The following CPQ variants were observed in gnomAD, a reference collection of about 807,000 sequenced individuals.
CPQ encodes the protein carboxypeptidase Q, also known as Ser-Met dipeptidase.
In CPQ, 37 loss-of-function variants were observed where a neutral mutation model predicts 45.7. The ratio of observed to expected loss-of-function variants is 0.81; its 90% confidence interval spans 0.62 to 1.07. The LOEUF (loss-of-function observed/expected upper bound fraction) is 1.07, where lower values mean the gene tolerates loss of function less well. Among genes scored for constraint, CPQ ranks in the 50% least tolerant of loss-of-function variants. CPQ has a pLI of 0.00. For missense variants in CPQ, 537 were observed against 572.9 expected (o/e 0.94, Z 0.64); for synonymous variants, 186 against 205.8 (o/e 0.90, Z 0.82).
intron 7 of CPQ, among the ~76,000 whole-genome samples, chr8:97,117,536 T>C (rs1249116598): frequency 6.6e-6 from 1 of 152,080 alleles, no homozygotes; most frequent in Non-Finnish European, 1.5e-5. Flanking sequence ...TACTTTTTAA[T>C]ATTCTTCTTT....
chr8:96,674,312 G>A (rs1199252250), intron 1 of CPQ, among the ~76,000 whole-genome samples: 1 of 152,114 alleles, frequency 6.6e-6, no homozygotes, highest in East Asian at 1.9e-4. Flanking sequence ...ACACTTTTGT[G>A]GGTTTATTGA....
intron 7 of CPQ, among the ~76,000 whole-genome samples, chr8:97,112,569 C>T (rs1314535328): frequency 6.6e-6 from 1 of 152,196 alleles, no homozygotes; most frequent in Non-Finnish European, 1.5e-5. Flanking sequence ...CAAGGATATT[C>T]CCATCACAGG....
At chr8:96,944,417 T>C (rs1332469435) in intron 4 of CPQ, among the ~76,000 whole-genome samples, 2 of 152,144 alleles carry the variant, frequency 1.3e-5, no homozygotes, top group Admixed American at 1.3e-4. Context: ...TATCCTGATA[T>C]AATAAAAGTT....
intron 1 of CPQ, among the ~76,000 whole-genome samples, chr8:96,727,123 C>A (rs1485971458): frequency 1.3e-5 from 2 of 152,112 alleles, no homozygotes; most frequent in African/African-American, 4.8e-5. Context: ...GCAAGAGGTT[C>A]TTTTGGGTAT....
chr8:96,672,782 TA>T lies in CPQ; in HGVS notation c.-35+27388del, dbSNP rs890345948. On this transcript the variant is annotated intron_variant, in intron 1 of 7. Coordinates refer to ENST00000220763, the MANE Select transcript of CPQ (RefSeq NM_016134.4). ...GACAGAGCAAGACTCTGTCTCAATT[TA>T]AAAAAAATGGGGTGGTCAAGGAGTG... is the stretch of plus-strand genomic sequence containing the variant. Among the ~76,000 whole-genome samples, 3 of 151,802 alleles carry T rather than the reference TA, an allele frequency of 2.0e-5. No homozygotes were observed. The East Asian group carries it at 5.8e-4, about 30-fold the overall frequency.
At chr8:96,825,073 G>A (rs1267248772) in intron 2 of CPQ, among the ~76,000 whole-genome samples, 5 of 151,984 alleles carry the variant, frequency 3.3e-5, no homozygotes, top group Admixed American at 3.3e-4. Context: ...TGTGGTTTGG[G>A]TAGGATTGGC....
At chr8:96,982,636 C>A (rs1032051585) in intron 5 of CPQ, among the ~76,000 whole-genome samples, 5 of 152,182 alleles carry the variant, frequency 3.3e-5, no homozygotes, top group African/African-American at 1.2e-4. Context: ...AGCTACTGTA[C>A]CTGGCCTCAT....
chr8:96,982,209 G>A (rs890508470), intron 5 of CPQ, among the ~76,000 whole-genome samples: 27 of 152,192 alleles, frequency 1.8e-4, no homozygotes, highest in Admixed American at 1.3e-3. Flanking sequence ...GTCCTACAGC[G>A]TTTTATAACA....
intron 1 of CPQ, among the ~76,000 whole-genome samples, chr8:96,778,674 A>G (rs937789710): frequency 5.9e-5 from 9 of 151,858 alleles, no homozygotes; most frequent in Non-Finnish European, 1.3e-4. Flanking sequence ...TAAGGTATTT[A>G]GAATAACACT....
intron 1 of CPQ, among the ~76,000 whole-genome samples, chr8:96,722,802 G>A (rs996000033): frequency 6.6e-6 from 1 of 152,112 alleles, no homozygotes; most frequent in African/African-American, 2.4e-5. Context: ...TCCATTTTGT[G>A]TTCCATCAAA....
intron 1 of CPQ, among the ~76,000 whole-genome samples, chr8:96,671,877 A>G (rs1014773594): frequency 6.6e-6 from 1 of 152,202 alleles, no homozygotes; most frequent in Admixed American, 6.5e-5. Context: ...GAGAAAATTG[A>G]AAACTTGGGG....
intron 4 of CPQ, among the ~76,000 whole-genome samples, chr8:96,962,360 G>C (rs897122974): frequency 6.6e-6 from 1 of 152,188 alleles, no homozygotes; most frequent in Non-Finnish European, 1.5e-5. Flanking sequence ...AAAGGAATTG[G>C]TCAGTGCCTT....
At position 96,934,627 on chromosome 8, in the gene CPQ, C is replaced by G. The variant is rs537039610; in HGVS notation, c.850-31308C>G. Among the ~76,000 whole-genome samples, 4 of 152,198 alleles carry G rather than the reference C, an allele frequency of 2.6e-5. No homozygotes were observed. The East Asian group carries it at 7.7e-4, about 29-fold the overall frequency. On this transcript the variant is annotated intron_variant, in intron 4 of 7. Coordinates refer to ENST00000220763, the MANE Select transcript of CPQ (RefSeq NM_016134.4). The stretch of plus-strand genomic sequence containing the variant: ...ACCATTCATCTTAATGTGAGCAACC[C>G]ACGTTTTTTGCCTGCACATTGCTGC...
rs184215786 is a variant in CPQ, at chr8:96,685,035, C to T, written c.-35+39633C>T. 1.1e-3 allele frequency among the ~76,000 whole-genome samples: 168 copies of T among 151,860 alleles called. 2 individuals are homozygous for T. The South Asian group carries it at 0.02, about 18-fold the overall frequency. On this transcript the variant is annotated intron_variant, in intron 1 of 7. Transcript: ENST00000220763. ...AGGAGAATCACTTGAACCTGGGAGG[C>T]GGAGGTTGCAGTGAGCTGAGCTCGT...
chr8:97,076,630 C>G (rs1810850125), intron 7 of CPQ, among the ~76,000 whole-genome samples: 1 of 152,126 alleles, frequency 6.6e-6, no homozygotes, highest in African/African-American at 2.4e-5. Flanking sequence ...CATCATTTGT[C>G]ATGTTCCCCT....
At chr8:96,955,677 A>T (rs1586465748) in intron 4 of CPQ, among the ~76,000 whole-genome samples, 1 of 152,108 alleles carries the variant, frequency 6.6e-6, no homozygotes, top group Non-Finnish European at 1.5e-5. Context: ...AAAACAGAGA[A>T]ATAGACCAAT....
rs890881614 is a variant in CPQ at position 96,976,260 on chromosome 8, A to C, written c.961+10214A>C. Among the ~76,000 whole-genome samples, 219 of 151,040 alleles carry C rather than the reference A, an allele frequency of 1.4e-3. 1 individual carries two copies. The highest frequency in any genetic ancestry group is 6.8e-3 in the Middle Eastern group (2 of 294). On this transcript the variant is annotated intron_variant, in intron 5 of 7. Coordinates refer to ENST00000220763, the MANE Select transcript of CPQ (RefSeq NM_016134.4). ...CACAATAGCTGACAAAAAAAAAAAA[A>C]AAAAAAAAAAAACCTTAGGATTATA...
intron 1 of CPQ, among the ~76,000 whole-genome samples, chr8:96,663,260 C>T (rs1164011722): frequency 3.3e-5 from 5 of 152,212 alleles, no homozygotes; most frequent in Non-Finnish European, 5.9e-5. Context: ...TGGCTTGGCA[C>T]TGGAGACTGT....
At chr8:97,064,296 G>A (rs1208641398) in intron 6 of CPQ, among the ~76,000 whole-genome samples, 1 of 152,070 alleles carries the variant, frequency 6.6e-6, no homozygotes, top group African/African-American at 2.4e-5. Flanking sequence ...GGTGTGGCAG[G>A]GCATAGAAGG....
Sources: gnomAD v4.1 joint callset for allele counts (sites outside exome capture counted in the v4.1 genomes callset) on GRCh38, gnomAD v4.1.1 for gene constraint, MANE v1.5 for transcripts, NCBI Gene and HGNC (gene_info 2026-07-23, HGNC 2026-07-21) for gene names.